Variants in FREM3 observed in about 807,000 individuals in gnomAD.
The protein encoded by FREM3 is FRAS1-related extracellular matrix protein 3.
In FREM3, 105 loss-of-function variants were observed where a neutral mutation model predicts 129.1. The observed-to-expected ratio is 0.81, with a 90% confidence interval of 0.69 to 0.96. FREM3 has a LOEUF of 0.96. FREM3 is among the 40% of genes least tolerant of loss of function. The pLI, the probability that FREM3 is intolerant of heterozygous loss-of-function variation, is 0.00. For synonymous variants in FREM3, 1,014 were observed against 1,044.9 expected (o/e 0.97, Z 0.57); for missense variants, 2,593 against 2,666.3 (o/e 0.97, Z 0.61).
At chr4:143,623,294 A>G (rs1254770794) in intron 4 of FREM3, among the ~76,000 whole-genome samples, 1 of 152,152 alleles carries the variant, frequency 6.6e-6, no homozygotes, top group Non-Finnish European at 1.5e-5. Flanking sequence ...AAAGCTTTCC[A>G]TCCCCTGTAG....
chr4:143,612,859 T>C (rs1738785914), intron 5 of FREM3, among the ~76,000 whole-genome samples: 1 of 152,214 alleles, frequency 6.6e-6, no homozygotes. Context: ...TTTCCCACCA[T>C]ACCTCACTTT....
chr4:143,593,716 C>G (rs541648979), intron 6 of FREM3, among the ~76,000 whole-genome samples: 1 of 152,332 alleles, frequency 6.6e-6, no homozygotes, highest in East Asian at 1.9e-4. Flanking sequence ...TGCCCGTTCT[C>G]AGATCTCAAG....
chr4:143,679,030 A>G (rs1157547171), intron 2 of FREM3, among the ~76,000 whole-genome samples: 1 of 152,164 alleles, frequency 6.6e-6, no homozygotes, highest in Non-Finnish European at 1.5e-5. Context: ...ACTTTTGGAA[A>G]AGTAATTAGG....
rs1740610112 is a variant in FREM3 at position 143,697,926 on chromosome 4, A to G, written c.2750T>C (p.Leu917Pro). ...ATGGTGCACCCCATCACTTACTTCC[A>G]GATGGAAAGTGTCACTGGTAGTCGT... ...DQTTTSDTFH[L>P]EVSDGVHHIP... The change falls in exon 1 of 8, where the codon CTG becomes CCG. Residue 917 changes from leucine to proline, a missense_variant. Physicochemically the swap from Leu to Pro is moderately conservative, Grantham distance 98. Coordinates refer to ENST00000329798, the MANE Select transcript of FREM3 (RefSeq NM_001168235.2). The G allele has an allele frequency of 1.3e-6, 2 of 1,537,810 alleles. No individual in the cohort carries two copies. Among genetic ancestry groups the G allele is most frequent in the South Asian group, 2.4e-5 (2 of 84,068 alleles).
At chr4:143,692,516 C>A (rs901676334) in intron 2 of FREM3, among the ~76,000 whole-genome samples, 4 of 152,092 alleles carry the variant, frequency 2.6e-5, no homozygotes, top group African/African-American at 9.7e-5. Context: ...ATCATTGAAT[C>A]CCTAGGTGTG....
chr4:143,583,223 A>G (rs2149833011), intron 7 of FREM3, among the ~76,000 whole-genome samples: 1 of 152,334 alleles, frequency 6.6e-6, no homozygotes. Context: ...TCTCATAGCA[A>G]AAAGGTTCTC....
intron 2 of FREM3, among the ~76,000 whole-genome samples, chr4:143,690,899 G>A (rs1460705494): frequency 6.6e-6 from 1 of 152,140 alleles, no homozygotes; most frequent in Non-Finnish European, 1.5e-5. Context: ...TGTAGTACCA[G>A]CTACTTGAGA....
intron 2 of FREM3, among the ~76,000 whole-genome samples, chr4:143,688,747 C>G (rs577225446): frequency 6.6e-6 from 1 of 152,198 alleles, no homozygotes; most frequent in South Asian, 2.1e-4. Context: ...TGATCTTCGA[C>G]AAGGCAAACA....
At chr4:143,695,140 T>A (rs908147492) in intron 1 of FREM3, among the ~76,000 whole-genome samples, 1 of 152,258 alleles carries the variant, frequency 6.6e-6, no homozygotes, top group African/African-American at 2.4e-5. Flanking sequence ...AAATGATTTC[T>A]ATATGTCATT....
chr4:143,582,582 G>A (rs115926994), intron 7 of FREM3, among the ~76,000 whole-genome samples: 1 of 152,146 alleles, frequency 6.6e-6, no homozygotes, highest in Admixed American at 6.5e-5. Flanking sequence ...ACTAGCGTAA[G>A]AACTCTGGCA....
intron 6 of FREM3, among the ~76,000 whole-genome samples, chr4:143,590,502 T>C (rs1290710515): frequency 2.6e-5 from 4 of 152,112 alleles, no homozygotes; most frequent in Non-Finnish European, 5.9e-5. Flanking sequence ...TAATCACGTG[T>C]TTTTTGTCTT....
intron 2 of FREM3, among the ~76,000 whole-genome samples, chr4:143,679,702 G>A (rs1490547644): frequency 6.6e-6 from 1 of 152,126 alleles, no homozygotes; most frequent in Non-Finnish European, 1.5e-5. Context: ...TGGGAATGCT[G>A]TTGGTGAGCC....
chr4:143,682,875 G>A (rs1020319722), intron 2 of FREM3, among the ~76,000 whole-genome samples: 1 of 152,156 alleles, frequency 6.6e-6, no homozygotes, highest in African/African-American at 2.4e-5. Context: ...ATGTTGCATG[G>A]CCAAAGGGTC....
Position 143,611,897 on chromosome 4 carries a change from C to T in FREM3, c.5780-370G>A, listed in dbSNP as rs1256267777. Among the ~76,000 whole-genome samples the T allele has an allele frequency of 7.2e-5, 11 of 152,230 alleles. No individual in the cohort carries two copies. The East Asian group carries it at 2.1e-3, about 29-fold the overall frequency. On this transcript the variant is annotated intron_variant, in intron 5 of 7. Coordinates refer to ENST00000329798, the MANE Select transcript of FREM3 (RefSeq NM_001168235.2). Reference sequence around the variant, plus strand: ...AGAATCCACAGCATGAAAATAGTATCGATTTTTTTCCTGCTACTGCTCTAC... The same window carrying T: ...AGAATCCACAGCATGAAAATAGTATTGATTTTTTTCCTGCTACTGCTCTAC...
intron 6 of FREM3, chr4:143,602,053 C>T (rs1387522211): frequency 2.0e-5 from 3 of 152,094 alleles, no homozygotes; most frequent in Non-Finnish European, 4.4e-5. Context: ...AACATGCTTT[C>T]GTTACAAGAT....
intron 2 of FREM3, among the ~76,000 whole-genome samples, chr4:143,662,953 C>A (rs1739766432): frequency 6.6e-6 from 1 of 152,076 alleles, no homozygotes; most frequent in African/African-American, 2.4e-5. Context: ...TTCCTCCATC[C>A]TTTTATTTTG....
chr4:143,653,117 ATTTTGT>A (rs1354025904), intron 2 of FREM3, among the ~76,000 whole-genome samples: 3 of 152,202 alleles, frequency 2.0e-5, no homozygotes, highest in Non-Finnish European at 4.4e-5. Flanking sequence ...AGTGGTTCCT[ATTTTGT>A]ATTGCCATGT....
intron 2 of FREM3, among the ~76,000 whole-genome samples, chr4:143,654,991 G>T (rs1739574965): frequency 6.6e-6 from 1 of 152,232 alleles, no homozygotes; most frequent in Admixed American, 6.5e-5. Flanking sequence ...GGCAGGAACA[G>T]TTGAAGTGCA....
intron 3 of FREM3, among the ~76,000 whole-genome samples, chr4:143,627,252 T>G (rs1427783079): frequency 6.6e-6 from 1 of 152,144 alleles, no homozygotes; most frequent in Non-Finnish European, 1.5e-5. Context: ...TAAATAATTT[T>G]TCAAAAGAAA....
Sources: gnomAD v4.1 joint callset for allele counts (sites outside exome capture counted in the v4.1 genomes callset) on GRCh38, gnomAD v4.1.1 for gene constraint, MANE v1.5 for transcripts, NCBI Gene and HGNC (gene_info 2026-07-23, HGNC 2026-07-21) for gene names.